Variants in ZNF185 observed in about 807,000 individuals in gnomAD.
ZNF185 encodes the protein zinc finger protein 185.
ZNF185 carries 56 observed loss-of-function variants against 58.6 expected under a neutral mutation model. That is an observed-to-expected ratio of 0.95 (90% CI 0.77 to 1.19). ZNF185 has a LOEUF of 1.19. ZNF185 is among the 50% of genes most tolerant of loss of function. ZNF185 has a pLI of 0.00. For missense variants in ZNF185, 627 were observed against 573.5 expected (o/e 1.09, Z -0.95); for synonymous variants, 230 against 215.9 (o/e 1.07, Z -0.57).
At chrX:152,901,926 T>A in the ZNF185 span, among the ~76,000 whole-genome samples, 3,272 of 111,628 alleles carry the variant, frequency 0.029, 133 homozygotes, top group African/African-American at 0.1. Flanking sequence ...TCCCAGGGAA[T>A]TTGACTGCCG....
upstream of ZNF185, among the ~76,000 whole-genome samples, chrX:152,909,665 C>T (rs1240637304): frequency 4.4e-5 from 5 of 112,719 alleles, no homozygotes; most frequent in East Asian, 2.8e-4. Flanking sequence ...GCCTGCTCTC[C>T]GCTTCCTTCT....
At chrX:152,946,598 A>C (rs580) in intron 16 of ZNF185, among the ~76,000 whole-genome samples, 26,085 of 110,315 alleles carry the variant, frequency 0.24, 2,360 homozygotes, top group South Asian at 0.38. Flanking sequence ...ATGAAGGAGG[A>C]GGCGAGTGGT....
intron 16 of ZNF185, among the ~76,000 whole-genome samples, chrX:152,950,412 C>G (rs2048183645): frequency 9.0e-6 from 1 of 111,502 alleles, no homozygotes; most frequent in African/African-American, 3.3e-5. Context: ...TTGTATTGTT[C>G]TTATCTAATA....
At position 152,930,954 on chromosome X, in the gene ZNF185, C is replaced by T. The variant is rs782793529; in HGVS notation, c.918-718C>T. Among the ~76,000 whole-genome samples the T allele has an allele frequency of 3.6e-5, 4 of 111,803 alleles. No homozygotes were observed. In the South Asian group the frequency reaches 1.5e-3, roughly 42 times the overall value. On this transcript the variant is annotated intron_variant, in intron 12 of 22. Coordinates refer to ENST00000449285, the Ensembl canonical transcript of ZNF185. ...CAGGGATATAGTCCAGAACTCAAAT[C>T]CCAGCTACTCCTCTTATTACCTGTG...
At chrX:152,907,389 C>T in the ZNF185 span, among the ~76,000 whole-genome samples, 2 of 113,158 alleles carry the variant, frequency 1.8e-5, no homozygotes, top group Non-Finnish European at 3.7e-5. Flanking sequence ...GGGGCCCCTT[C>T]CTTCGAGGTT....
At chrX:152,958,343 TAA>T (rs2049067621) in intron 16 of ZNF185, among the ~76,000 whole-genome samples, 1 of 111,336 alleles carries the variant, frequency 9.0e-6, no homozygotes, top group Non-Finnish European at 1.9e-5. Flanking sequence ...TTAGAGACGC[TAA>T]AAGTGTATGT....
At chrX:152,933,562 A>C (rs782607069) in intron 14 of ZNF185, among the ~76,000 whole-genome samples, 7 of 112,133 alleles carry the variant, frequency 6.2e-5, no homozygotes, top group Non-Finnish European at 1.1e-4. Context: ...TGATTTGCAG[A>C]GTGGCAAGGT....
intron 11 of ZNF185, among the ~76,000 whole-genome samples, chrX:152,923,408 C>G (rs1272298172): frequency 8.9e-6 from 1 of 112,504 alleles, no homozygotes. Flanking sequence ...TCCATGGCCC[C>G]AGGCAGCAGA....
At chrX:152,934,761 T>C (rs1265401650) in intron 14 of ZNF185, among the ~76,000 whole-genome samples, 5 of 112,141 alleles carry the variant, frequency 4.5e-5, no homozygotes, top group Middle Eastern at 4.6e-3. Context: ...CTGTACATGG[T>C]CAGTACAGAT....
intron 14 of ZNF185, 136 bp from the exon 16 acceptor site, chrX:152,936,282 A>C (rs2046274492): frequency 8.0e-6 from 4 of 497,224 alleles, no homozygotes; most frequent in South Asian, 6.6e-5. Context: ...AGATATAAAT[A>C]TTGTTCCTCA....
the ZNF185 span, among the ~76,000 whole-genome samples, chrX:152,905,909 T>C: frequency 1.8e-5 from 2 of 111,818 alleles, no homozygotes; most frequent in African/African-American, 6.5e-5. Context: ...GGGAGCTACC[T>C]GGGCTGGCTG....
chrX:152,921,388 A>G (rs937977899), intron 9 of ZNF185, among the ~76,000 whole-genome samples: 9 of 111,122 alleles, frequency 8.1e-5, no homozygotes, highest in African/African-American at 3.0e-4. Context: ...AAGAGAAGAC[A>G]GCATGCCAAC....
At chrX:152,922,836 T>C (rs782159686) in intron 11 of ZNF185, 27 bp downstream of exon 12, 5 of 1,147,033 alleles carry the variant, frequency 4.4e-6, no homozygotes, top group Non-Finnish European at 5.9e-6. Context: ...GACTCTGGCT[T>C]GTGAGTGGGT....
rs953980408 is a variant in ZNF185, at chrX:152,965,434, G to T, written c.1719-13G>T. 2.6e-6 allele frequency: 3 copies of T among 1,167,406 alleles called. No individual in the cohort carries two copies. The highest frequency in any genetic ancestry group is 3.4e-6 in the Non-Finnish European group (3 of 870,920). On this transcript the variant is annotated splice_polypyrimidine_tract_variant and intron_variant, in intron 18 of 22. Coordinates refer to ENST00000449285, the Ensembl canonical transcript of ZNF185. ...CTGGTGTACCTCTGATTTCTTCTGT[G>T]CTCCTTCTACAGCAAAGGGATTCTC... is the stretch of plus-strand genomic sequence containing the variant.
exon 23 of ZNF185, chrX:152,971,443 A>G (rs2050659560): frequency 8.9e-6 from 1 of 111,896 alleles, no homozygotes; most frequent in Non-Finnish European, 1.9e-5. Context: ...CCAATATCGT[A>G]TCTTAATGAT....
At chrX:152,903,760 G>T in the ZNF185 span, among the ~76,000 whole-genome samples, 1 of 111,732 alleles carries the variant, frequency 8.9e-6, no homozygotes, top group Non-Finnish European at 1.9e-5. Flanking sequence ...GGCTCTCTGA[G>T]AACGAGAAAA....
intron 16 of ZNF185, among the ~76,000 whole-genome samples, chrX:152,950,445 T>C (rs2048187607): frequency 8.9e-6 from 1 of 111,780 alleles, no homozygotes; most frequent in African/African-American, 3.3e-5. Flanking sequence ...GCACTGGGGC[T>C]TTGATAAAGA....
At chrX:152,900,250 C>T in the ZNF185 span, among the ~76,000 whole-genome samples, 1 of 112,585 alleles carries the variant, frequency 8.9e-6, no homozygotes, top group Non-Finnish European at 1.9e-5. Flanking sequence ...GGCACTTGTT[C>T]CCTGAACTGT....
intron 7 of ZNF185, 71 bp from the exon 9 acceptor site, chrX:152,920,257 C>G: frequency 8.9e-7 from 1 of 1,119,161 alleles, no homozygotes; most frequent in South Asian, 2.0e-5. Context: ...CCGAGTCCAT[C>G]CCAGGCTAGG....
Sources: allele counts gnomAD v4.1 joint callset (sites outside exome capture counted in the v4.1 genomes callset), GRCh38; gene constraint gnomAD v4.1.1; transcripts MANE v1.5; gene names NCBI Gene and HGNC (gene_info 2026-07-23, HGNC 2026-07-21).